The following PRIM2 variants were observed in gnomAD, a reference collection of about 807,000 sequenced individuals.
PRIM2 encodes the protein DNA primase large subunit.
A neutral mutation model predicts 67.3 loss-of-function variants in PRIM2; 39 were observed. The observed-to-expected ratio is 0.58, with a 90% CI of 0.45 to 0.76. PRIM2 has a LOEUF of 0.76. Ranked by LOEUF, PRIM2 falls within the 30% of genes least tolerant of loss-of-function variation. The pLI is 0.00. For missense variants in PRIM2, 398 were observed against 598.7 expected (o/e 0.66, Z 3.50); for synonymous variants, 143 against 198.7 (o/e 0.72, Z 2.36).
chr6:57,317,942 C>T (rs1419601538), intron 1 of PRIM2, among the ~76,000 whole-genome samples: 1 of 152,004 alleles, frequency 6.6e-6, no homozygotes, highest in Non-Finnish European at 1.5e-5. Context: ...TGGATGCTCC[C>T]GAAAAGGAGT....
chr6:57,491,037 A>G (rs1404118282), intron 7 of PRIM2, among the ~76,000 whole-genome samples: 2 of 152,234 alleles, frequency 1.3e-5, no homozygotes, highest in African/African-American at 4.8e-5. Flanking sequence ...ATAAATAATG[A>G]TGGTAAATTG....
chr6:57,643,964 C>T (rs1261119238), intron 13 of PRIM2, among the ~76,000 whole-genome samples: 61 of 152,312 alleles, frequency 4.0e-4, no homozygotes, highest in African/African-American at 1.3e-3. Flanking sequence ...TCTGCTGGTC[C>T]GTCCACCAGT....
chr6:57,639,449 C>T (rs2127501203), intron 13 of PRIM2, among the ~76,000 whole-genome samples: 1 of 151,918 alleles, frequency 6.6e-6, no homozygotes, highest in East Asian at 1.9e-4. Flanking sequence ...TTCAAAAAAT[C>T]AATGTATCCA....
chr6:57,269,141 A>T, the PRIM2 span, among the ~76,000 whole-genome samples: 1 of 152,072 alleles, frequency 6.6e-6, no homozygotes, highest in Non-Finnish European at 1.5e-5. Flanking sequence ...TCCTTTGGGT[A>T]TATACCCAGT....
intron 5 of PRIM2, among the ~76,000 whole-genome samples, chr6:57,365,459 G>A (rs1769325890): frequency 1.3e-5 from 2 of 151,714 alleles, no homozygotes; most frequent in African/African-American, 4.8e-5. Context: ...GTGCCTTTTC[G>A]TGAATTAATC....
intron 7 of PRIM2, among the ~76,000 whole-genome samples, chr6:57,501,200 G>GA (rs1424687578): frequency 3.3e-5 from 5 of 152,120 alleles, no homozygotes; most frequent in East Asian, 3.9e-4. Flanking sequence ...AGTCTAAAAA[G>GA]AAAAAATATT....
At chr6:57,280,386 CT>C in the PRIM2 span, among the ~76,000 whole-genome samples, 17 of 149,242 alleles carry the variant, frequency 1.1e-4, no homozygotes, top group South Asian at 4.3e-4. Context: ...ACTTTGTATT[CT>C]TTTTTTTTTA....
At chr6:57,529,692 T>G (rs1187476856) in intron 8 of PRIM2, among the ~76,000 whole-genome samples, 3 of 152,210 alleles carry the variant, frequency 2.0e-5, no homozygotes, top group Non-Finnish European at 2.9e-5. Context: ...GGAAGAAGAA[T>G]AATTTTTTCT....
In PRIM2 at chr6:57,618,699, C is replaced by T. The variant is rs1776796718; in HGVS notation, c.1230+12242C>T. On this transcript the variant is annotated intron_variant, in intron 12 of 13. Transcript: ENST00000615550. ...ACCTGCATGACTCAGCAGAGGCAGC[C>T]ATAATCCTCCTAGGTGCACAACTCC... 8.5e-5 allele frequency among the ~76,000 whole-genome samples: 13 copies of T among 152,232 alleles called. No homozygotes were observed. In the South Asian group the frequency reaches 2.7e-3, roughly 32 times the overall value.
At chr6:57,233,950 G>A in the PRIM2 span, among the ~76,000 whole-genome samples, 34 of 152,130 alleles carry the variant, frequency 2.2e-4, no homozygotes, top group South Asian at 1.2e-3. Context: ...CATGTAAGCC[G>A]CCATCTCTGG....
chr6:57,514,751 C>T (rs1385259714), intron 8 of PRIM2, among the ~76,000 whole-genome samples: 1 of 152,026 alleles, frequency 6.6e-6, no homozygotes, highest in African/African-American at 2.4e-5. Context: ...GTTAAGGGCA[C>T]TATAATTGGT....
At chr6:57,331,152 C>T (rs1366654079) in intron 5 of PRIM2, among the ~76,000 whole-genome samples, 3 of 150,322 alleles carry the variant, frequency 2.0e-5, no homozygotes, top group African/African-American at 7.4e-5. Context: ...CGTACCACTG[C>T]ACTCCAGCTT....
intron 8 of PRIM2, among the ~76,000 whole-genome samples, chr6:57,524,955 T>G (rs1554349226): frequency 0.069 from 10,506 of 151,828 alleles, 519 homozygotes; most frequent in East Asian, 0.21. Flanking sequence ...ACTATATTAT[T>G]ACAAAGGAAA....
chr6:57,600,805 T>C (rs1292476236), intron 10 of PRIM2, among the ~76,000 whole-genome samples: 1 of 152,234 alleles, frequency 6.6e-6, no homozygotes, highest in East Asian at 1.9e-4. Context: ...AATCCATTAT[T>C]CTTCTCAGGA....
At chr6:57,500,516 G>C (rs1554346757) in intron 7 of PRIM2, among the ~76,000 whole-genome samples, 5 of 152,320 alleles carry the variant, frequency 3.3e-5, no homozygotes, top group African/African-American at 7.2e-5. Context: ...AACACAGACT[G>C]CAAAGAATGG....
At chr6:57,642,379 A>T (rs1643519169) in intron 13 of PRIM2, among the ~76,000 whole-genome samples, 1 of 151,742 alleles carries the variant, frequency 6.6e-6, no homozygotes, top group Admixed American at 6.6e-5. Context: ...TAATTTAAAA[A>T]ATATTAATTA....
the PRIM2 span, among the ~76,000 whole-genome samples, chr6:57,255,630 T>C: frequency 1.3e-5 from 2 of 152,082 alleles, no homozygotes; most frequent in African/African-American, 4.8e-5. Context: ...GAGGGAGTGA[T>C]AAAGTTGATA....
intron 7 of PRIM2, among the ~76,000 whole-genome samples, chr6:57,449,820 A>C (rs1407803887): frequency 6.6e-6 from 1 of 152,158 alleles, no homozygotes; most frequent in Non-Finnish European, 1.5e-5. Flanking sequence ...ATGATCAGTG[A>C]ATAGACCATT....
At chr6:57,477,966 A>G (rs1186637030) in intron 7 of PRIM2, among the ~76,000 whole-genome samples, 2 of 152,238 alleles carry the variant, frequency 1.3e-5, no homozygotes, top group African/African-American at 4.8e-5. Flanking sequence ...ACTGCACTAA[A>G]ATATAAATAA....
Sources: allele counts gnomAD v4.1 joint callset (sites outside exome capture counted in the v4.1 genomes callset), GRCh38; gene constraint gnomAD v4.1.1; transcripts MANE v1.5; gene names NCBI Gene and HGNC (gene_info 2026-07-23, HGNC 2026-07-21).